PRCD: variants seen among roughly 807,000 people sequenced by gnomAD.
PRCD encodes photoreceptor disc component.
Under a neutral mutation model 10.1 loss-of-function variants are expected in PRCD, and 12 were observed. The observed-to-expected ratio is 1.18, with a 90% CI of 0.76 to 1.92. PRCD has a LOEUF of 1.92. Among genes scored for constraint, PRCD ranks in the 40% most tolerant of loss-of-function variants. The probability of loss-of-function intolerance (pLI) is 0.00; values close to 1 mark genes in which losing one functional copy is unlikely to be tolerated. For synonymous variants in PRCD, 31 were observed against 26.2 expected (o/e 1.18, Z -0.56); for missense variants, 61 against 72.2 (o/e 0.84, Z 0.56).
In PRCD at chr17:76,540,263, G is replaced by GGGGGGGGGGGGGGGGGGGGGGC; in HGVS notation, c.74+48_74+49insGGGGGGGGGGGGGGGGGGGGGC. ...GCTGGCGGTTGGTCGGGGGGGGGGG[G>GGGGGGGGGGGGGGGGGGGGGGC]CATGGGGCTGGGCTGCCACCAAGCT... On this transcript the variant is annotated intron_variant, in intron 1 of 4. Coordinates refer to ENST00000592014, the MANE Select transcript of PRCD (RefSeq NM_001077620.3). This position sits in a 1 kb window ranked among gnomAD's most constrained non-coding sequence, Gnocchi z 5.0. 1.6e-6 allele frequency: 1 copy of GGGGGGGGGGGGGGGGGGGGGGC among 610,900 alleles called. No individual in the cohort carries two copies. The highest frequency in any genetic ancestry group is 2.9e-6 in the Non-Finnish European group (1 of 345,508). The allele number at this position is 610,900 out of a possible 1,614,324, so 37.8% of individuals were successfully genotyped here.
chr17:76,537,660 T>G (rs2074935527), upstream of PRCD: 1 of 901,564 alleles, frequency 1.1e-6, no homozygotes, highest in Non-Finnish European at 1.3e-6. Flanking sequence ...GGGCGAGGGG[T>G]AGAGCGCGGA....
intron 1 of PRCD, chr17:76,529,788 C>CT: frequency 1.0e-6 from 1 of 985,354 alleles, no homozygotes; most frequent in Non-Finnish European, 1.2e-6. Flanking sequence ...CCAACATCTG[C>CT]TTGTTTCCCA....
At chr17:76,552,901 A>ATATATATATATAAAT in intron 1 of PRCD, 1 of 108,086 alleles carries the variant, frequency 9.3e-6, no homozygotes, top group African/African-American at 3.7e-5. Flanking sequence ...TATATATAAA[A>ATATATATATATAAAT]ATATATATAT....
At position 76,531,375 on chromosome 17, in the gene PRCD, C is replaced by T. The variant is rs905893609; in HGVS notation, n.45+3542C>T. ...CACTCCGGGGATCACCTCTGTTGCT[C>T]CAGAGAGCCGTCGCAGAGCCTGCGA... On this transcript the variant is annotated intron_variant and non_coding_transcript_variant, in intron 1 of 4. Transcript: ENST00000397633. This position sits in a 1 kb window ranked among gnomAD's most constrained non-coding sequence, Gnocchi z 7.4. 4 of 1,496,894 alleles carry T rather than the reference C, an allele frequency of 2.7e-6. No individual in the cohort carries two copies. The African/African-American group carries it at 4.1e-5, about 15-fold the overall frequency. The allele number at this position is 1,496,894 out of a possible 1,614,324, so 92.7% of individuals were successfully genotyped here. A position where few individuals can be genotyped will look rare whatever the true frequency, so the allele number is the denominator to read the frequency against.
At chr17:76,537,572 T>TCGG (rs758675323), upstream of PRCD, 3 of 1,292,530 alleles carry the variant, frequency 2.3e-6, no homozygotes, top group African/African-American at 3.1e-5. Flanking sequence ...CCGGCTTTGC[T>TCGG]CGGCGGCGGC....
chr17:76,539,402 C>T (rs1399004637), upstream of PRCD, among the ~76,000 whole-genome samples: 1 of 152,202 alleles, frequency 6.6e-6, no homozygotes, highest in African/African-American at 2.4e-5. Context: ...TAAGTGGCTG[C>T]ACCTGTCTAT....
chr17:76,541,831 CTA>C (rs1158453783), intron 2 of PRCD, among the ~76,000 whole-genome samples: 2 of 152,150 alleles, frequency 1.3e-5, no homozygotes, highest in Admixed American at 6.6e-5. Context: ...AATGGAAAGA[CTA>C]TGGGGGAAAT....
Position 76,531,077 on chromosome 17 carries a change from C to A in PRCD, n.45+3244C>A, listed in dbSNP as rs377291088. On this transcript the variant is annotated intron_variant and non_coding_transcript_variant, in intron 1 of 4. Transcript: ENST00000397633. This position sits in a 1 kb window ranked among gnomAD's most constrained non-coding sequence, Gnocchi z 7.4. ...CACGCAGCTTGGCCCAGGCTCTCTG[C>A]GTCTCAGGTGGGAAGTCACTGGCAA... 2 of 1,613,620 alleles carry A rather than the reference C, an allele frequency of 1.2e-6. No individual in the cohort carries two copies. Among genetic ancestry groups the A allele is most frequent in the African/African-American group, 1.3e-5 (1 of 74,700 alleles).
At chr17:76,547,279 CA>C (rs2075061011), downstream of PRCD, 2 of 152,356 alleles carry the variant, frequency 1.3e-5, no homozygotes, top group African/African-American at 4.8e-5. Context: ...ACAGTCACTG[CA>C]ACTGCCACTC....
Position 76,531,935 on chromosome 17 carries a change from C to T in PRCD, n.45+4102C>T. ...TTGCTCAGGCTGGCGGCTTCATCTC[C>T]TAGGCCTCTGTCTTCCTCGCTTCTT... On this transcript the variant is annotated intron_variant and non_coding_transcript_variant, in intron 1 of 4. Transcript: ENST00000397633. The surrounding 1 kb of genome is among the most constrained non-coding windows in gnomAD (Gnocchi z 7.4). 2.2e-6 allele frequency: 1 copy of T among 445,712 alleles called. No individual in the cohort carries two copies. Among genetic ancestry groups the T allele is most frequent in the Non-Finnish European group, 4.1e-6 (1 of 245,858 alleles). 27.6% of individuals were successfully genotyped at this position (445,712 alleles called of 1,614,324 possible).
downstream of PRCD, among the ~76,000 whole-genome samples, chr17:76,548,367 A>C (rs1331056397): frequency 6.6e-6 from 1 of 152,226 alleles, no homozygotes; most frequent in Non-Finnish European, 1.5e-5. Flanking sequence ...AAAATAAATT[A>C]ATGTGTTCAT....
At chr17:76,552,875 AAAAAAAAT>A (rs199832631) in intron 1 of PRCD, 4 of 127,816 alleles carry the variant, frequency 3.1e-5, no homozygotes, top group African/African-American at 1.3e-4. Flanking sequence ...AAAAAAAAAA[AAAAAAAAT>A]ATATATATAT....
At chr17:76,548,253 C>T (rs2075075297), downstream of PRCD, among the ~76,000 whole-genome samples, 1 of 152,146 alleles carries the variant, frequency 6.6e-6, no homozygotes, top group Non-Finnish European at 1.5e-5. Context: ...CACACAGTCA[C>T]ACACACAGAT....
chr17:76,541,643 G>A (rs1369969975), intron 2 of PRCD, among the ~76,000 whole-genome samples: 1 of 152,164 alleles, frequency 6.6e-6, no homozygotes, highest in Non-Finnish European at 1.5e-5. Flanking sequence ...ACCTCAACTC[G>A]ATAGGCCAGC....
rs566357154 is a variant in PRCD, at chr17:76,528,857, G to A, written n.45+1024G>A. On this transcript the variant is annotated intron_variant and non_coding_transcript_variant, in intron 1 of 4. Transcript: ENST00000397633. The surrounding 1 kb of genome is among the most constrained non-coding windows in gnomAD (Gnocchi z 5.8). ...TCTTTTTCTCTAAAATGTGAATAAT[G>A]TCTGTCTTGTGACATAAACTGGGTA... 1,861 of 1,215,086 alleles carry A rather than the reference G, an allele frequency of 1.5e-3. 3 individuals are homozygous for A. The highest frequency in any genetic ancestry group is 1.8e-3 in the Non-Finnish European group (1,718 of 974,234). 75.3% of individuals were successfully genotyped at this position (1,215,086 alleles called of 1,614,324 possible).
upstream of PRCD, chr17:76,540,001 C>A: frequency 1.2e-6 from 1 of 854,152 alleles, no homozygotes. This position sits in a 1 kb window ranked among gnomAD's most constrained non-coding sequence, Gnocchi z 5.0. Flanking sequence ...ACCCACTAAT[C>A]AGCTTGAGCC....
In PRCD at chr17:76,540,255, G is replaced by GA. The variant is rs773995352; in HGVS notation, c.74+40_74+41insA. ...GGGCTATGGCTGGCGGTTGGTCGGG[G>GA]GGGGGGGGCATGGGGCTGGGCTGCC... On this transcript the variant is annotated intron_variant, in intron 1 of 4. Transcript: ENST00000592014. This position sits in a 1 kb window ranked among gnomAD's most constrained non-coding sequence, Gnocchi z 5.0. The GA allele has an allele frequency of 9.1e-7, 1 of 1,095,562 alleles. No individual in the cohort carries two copies. The highest frequency in any genetic ancestry group is 1.3e-5 in the South Asian group (1 of 74,660). The allele number at this position is 1,095,562 out of a possible 1,614,324, so 67.9% of individuals were successfully genotyped here.
chr17:76,528,820 G>A lies in PRCD; in HGVS notation n.45+987G>A, dbSNP rs181909352. 215 of 1,153,932 alleles carry A rather than the reference G, an allele frequency of 1.9e-4. No individual in the cohort carries two copies. In the African/African-American group the frequency reaches 3.0e-3, roughly 16 times the overall value. 71.5% of individuals were successfully genotyped at this position (1,153,932 alleles called of 1,614,324 possible). The stretch of plus-strand genomic sequence containing the variant: ...ATCTCAGGCAAGTCTACTGGCCCAT[G>A]GGAGCTCCGGATCTTTTTCTCTAAA... On this transcript the variant is annotated intron_variant and non_coding_transcript_variant, in intron 1 of 4. Transcript: ENST00000397633. The surrounding 1 kb of genome is among the most constrained non-coding windows in gnomAD (Gnocchi z 5.8).
chr17:76,534,548 A>T (rs1194518648), intron 1 of PRCD, among the ~76,000 whole-genome samples: 1 of 152,232 alleles, frequency 6.6e-6, no homozygotes, highest in Non-Finnish European at 1.5e-5. Flanking sequence ...AACAACAGGG[A>T]ACATTTATTG....
Sources: allele counts gnomAD v4.1 joint callset (sites outside exome capture counted in the v4.1 genomes callset), GRCh38; gene constraint gnomAD v4.1.1; non-coding constraint Gnocchi (gnomAD v3.1); transcripts MANE v1.5; gene names NCBI Gene and HGNC (gene_info 2026-07-23, HGNC 2026-07-21).